POLN: variants seen among roughly 807,000 people sequenced by gnomAD.
POLN encodes the protein DNA polymerase nu.
A neutral mutation model predicts 113.5 loss-of-function variants in POLN; 108 were observed. The observed-to-expected ratio is 0.95, with a 90% confidence interval of 0.81 to 1.12. The LOEUF (loss-of-function observed/expected upper bound fraction) is 1.12, where lower values mean the gene tolerates loss of function less well. POLN is among the 50% of genes most tolerant of loss of function. POLN has a pLI of 0.00. For synonymous variants in POLN, 386 were observed against 391.5 expected (o/e 0.99, Z 0.17); for missense variants, 1,097 against 1,077.1 (o/e 1.02, Z -0.26).
At chr4:2,185,384 C>A (rs11248087) in intron 7 of POLN, among the ~76,000 whole-genome samples, 37,468 of 152,066 alleles carry the variant, frequency 0.25, 7,119 homozygotes, top group African/African-American at 0.51. Context: ...TTCTTGAACA[C>A]CAAAACAACT....
intron 5 of POLN, among the ~76,000 whole-genome samples, chr4:2,203,674 G>C (rs185198517): frequency 4.6e-5 from 7 of 151,500 alleles, no homozygotes; most frequent in African/African-American, 1.2e-4. Context: ...CAAAAAGTCT[G>C]AAAGAGCACA....
intron 11 of POLN, among the ~76,000 whole-genome samples, chr4:2,173,700 G>C (rs1732923140): frequency 6.6e-6 from 1 of 152,090 alleles, no homozygotes; most frequent in Non-Finnish European, 1.5e-5. Flanking sequence ...CAATGTCCCT[G>C]TAAGAAAAAC....
intron 2 of POLN, chr4:2,241,060 G>T: frequency 1.3e-6 from 1 of 749,594 alleles, no homozygotes; most frequent in Non-Finnish European, 2.2e-6. Flanking sequence ...ACAGAGAAGG[G>T]AAAATATATT....
intron 4 of POLN, among the ~76,000 whole-genome samples, chr4:2,210,923 TAATA>T (rs4030453): frequency 0.022 from 3,001 of 134,424 alleles, 58 homozygotes; most frequent in Middle Eastern, 0.1. Flanking sequence ...TCTCAAAACA[TAATA>T]AATAAATAAA....
intron 16 of POLN, among the ~76,000 whole-genome samples, chr4:2,134,986 A>G (rs990115188): frequency 3.3e-5 from 5 of 152,132 alleles, no homozygotes; most frequent in East Asian, 1.9e-4. Flanking sequence ...CATCCCCCCA[A>G]TACTGATGAT....
chr4:2,193,275 A>G lies in POLN; in HGVS notation c.950T>C (p.Ile317Thr), dbSNP rs1733496027. ...CACAAAATCCTTAGCATTAAAACAAATAACAGGACATTTACATTTCATTGT... is the reference window on the plus strand; with the variant it reads ...CACAAAATCCTTAGCATTAAAACAAGTAACAGGACATTTACATTTCATTGT... ...FQTMKCKCPV[I>T]CFNAKDFVRI... Residue 317 changes from isoleucine to threonine, a missense_variant, in exon 7 of 26, where the codon ATT (isoleucine) becomes ACT (threonine). Ile to Thr is a moderately conservative substitution (Grantham distance 89, BLOSUM62 -1). Transcript: ENST00000511885. 6.2e-7 allele frequency: 1 copy of G among 1,610,444 alleles called. No individual in the cohort carries two copies. Among genetic ancestry groups the G allele is most frequent in the Non-Finnish European group, 8.5e-7 (1 of 1,178,330 alleles).
chr4:2,117,331 T>G (rs1367567672), intron 19 of POLN, among the ~76,000 whole-genome samples: 2 of 152,220 alleles, frequency 1.3e-5, no homozygotes, highest in African/African-American at 4.8e-5. Flanking sequence ...GTAATAAATA[T>G]TTTTTAATAA....
chr4:2,148,406 T>G (rs1033786136), intron 16 of POLN, among the ~76,000 whole-genome samples: 1 of 152,132 alleles, frequency 6.6e-6, no homozygotes, highest in East Asian at 1.9e-4. Context: ...CGGTGGCTCA[T>G]GCCTGTAATC....
chr4:2,161,660 G>T (rs1442012966), intron 13 of POLN, among the ~76,000 whole-genome samples: 1 of 152,240 alleles, frequency 6.6e-6, no homozygotes, highest in African/African-American at 2.4e-5. Flanking sequence ...CGGGCGCACG[G>T]CACCGGGACT....
chr4:2,206,125 A>C (rs1164698697), intron 5 of POLN, among the ~76,000 whole-genome samples: 1 of 152,186 alleles, frequency 6.6e-6, no homozygotes, highest in Non-Finnish European at 1.5e-5. Context: ...ATCTTTGACA[A>C]AGCAAACAAA....
At chr4:2,165,479 T>C (rs1423068562) in intron 13 of POLN, among the ~76,000 whole-genome samples, 2 of 152,226 alleles carry the variant, frequency 1.3e-5, no homozygotes, top group African/African-American at 4.8e-5. Context: ...CTGCTCTGTA[T>C]GATGCTGTAA....
Position 2,241,718 on chromosome 4 carries a change from G to GC in POLN, c.-212dup. ...AGCCCCAGGGATCCGCGGCCCCAAG[G>GC]CCGCGATACACCAGACGCGCCAGCG... On this transcript the variant is annotated 5_prime_UTR_variant, in exon 2 of 26. Transcript: ENST00000511885. 1 of 985,488 alleles carries GC rather than the reference G, an allele frequency of 1.0e-6. No homozygotes were observed. The highest frequency in any genetic ancestry group is 1.2e-6 in the Non-Finnish European group (1 of 829,946). The allele number at this position is 985,488 out of a possible 1,614,324, so 61.0% of individuals were successfully genotyped here.
intron 19 of POLN, among the ~76,000 whole-genome samples, chr4:2,125,193 C>CTGTA (rs1731549673): frequency 6.6e-6 from 1 of 152,032 alleles, no homozygotes. Context: ...CACTGCACAG[C>CTGTA]TGTAGGAGGA....
At chr4:2,089,851 A>G (rs1428159755) in intron 20 of POLN, 2 of 920,510 alleles carry the variant, frequency 2.2e-6, no homozygotes, top group Non-Finnish European at 3.5e-6. Context: ...GTTCTTTGAA[A>G]GCAGACTTTC....
At chr4:2,236,759 A>T (rs1382990369) in intron 2 of POLN, among the ~76,000 whole-genome samples, 1 of 151,894 alleles carries the variant, frequency 6.6e-6, no homozygotes, top group African/African-American at 2.4e-5. Context: ...GATACTCCGG[A>T]GGCTGAGGCA....
intron 2 of POLN, chr4:2,240,187 T>C: frequency 6.2e-7 from 1 of 1,614,066 alleles, no homozygotes; most frequent in South Asian, 1.1e-5. Flanking sequence ...TCCTCAAGGA[T>C]TTCTTGATTA....
chr4:2,191,830 T>C (rs1329352945), intron 7 of POLN, among the ~76,000 whole-genome samples: 1 of 152,048 alleles, frequency 6.6e-6, no homozygotes, highest in Non-Finnish European at 1.5e-5. Context: ...TGGGGAGTTA[T>C]AGAGCAAAAG....
chr4:2,081,152 G>A, intron 22 of POLN, 116 bp from the exon 23 acceptor site: 1 of 1,598,904 alleles, frequency 6.3e-7, no homozygotes, highest in Non-Finnish European at 8.5e-7. Flanking sequence ...TGCTGGCTCT[G>A]AGCTGTCTGA....
At chr4:2,180,720 T>A (rs1733117342) in intron 7 of POLN, among the ~76,000 whole-genome samples, 1 of 152,244 alleles carries the variant, frequency 6.6e-6, no homozygotes, top group African/African-American at 2.4e-5. Context: ...GTTATCAACA[T>A]ATGTTTTTTA....
Sources: gnomAD v4.1 joint callset for allele counts (sites outside exome capture counted in the v4.1 genomes callset) on GRCh38, gnomAD v4.1.1 for gene constraint, MANE v1.5 for transcripts, NCBI Gene and HGNC (gene_info 2026-07-23, HGNC 2026-07-21) for gene names.